Variants in GBF1 observed in about 807,000 individuals in gnomAD.
The protein encoded by GBF1 is Golgi-specific brefeldin A-resistance guanine nucleotide exchange factor 1.
Under a neutral mutation model 210.5 loss-of-function variants are expected in GBF1, and 114 were observed. The ratio of observed to expected loss-of-function variants is 0.54; its 90% CI spans 0.47 to 0.63. GBF1 has a LOEUF of 0.63. GBF1 is among the 30% of genes least tolerant of loss of function. GBF1 has a pLI of 0.00. For synonymous variants in GBF1, 850 were observed against 889.2 expected, an observed-to-expected ratio of 0.96 and a Z score of 0.78; for missense variants, 1,851 against 2,357.7, an observed-to-expected ratio of 0.79 and a Z score of 4.45.
chr10:102,352,269 T>C (rs1031461603), intron 6 of GBF1, among the ~76,000 whole-genome samples, 189 bp from the exon 7 acceptor site: 1 of 152,188 alleles, frequency 6.6e-6, no homozygotes, highest in Non-Finnish European at 1.5e-5. Flanking sequence ...CTCCCCTTTT[T>C]TCCCTGACTC....
chr10:102,315,229 CA>C (rs2078829125), intron 3 of GBF1, among the ~76,000 whole-genome samples: 1 of 152,220 alleles, frequency 6.6e-6, no homozygotes, highest in African/African-American at 2.4e-5. Context: ...TCCTCTACTT[CA>C]GGGGGTCCCC....
chr10:102,348,283 CAG>C (rs1007568316), intron 4 of GBF1, among the ~76,000 whole-genome samples: 1 of 152,194 alleles, frequency 6.6e-6, no homozygotes, highest in African/African-American at 2.4e-5. Context: ...CATTCAACCT[CAG>C]GGGACAAGAA....
chr10:102,292,956 T>C (rs1040379565), intron 3 of GBF1, among the ~76,000 whole-genome samples: 1 of 152,354 alleles, frequency 6.6e-6, no homozygotes, highest in Middle Eastern at 3.4e-3. Flanking sequence ...TAAGTTTCTA[T>C]TGGGCATTTA....
chr10:102,247,861 C>T (rs1416064075), intron 1 of GBF1, among the ~76,000 whole-genome samples: 1 of 152,176 alleles, frequency 6.6e-6, no homozygotes, highest in Non-Finnish European at 1.5e-5. Flanking sequence ...ATAGACATAT[C>T]TCCTCAGTAG....
rs577017320 is a variant in GBF1 at position 102,362,460 on chromosome 10, CT to C, written c.1687-14del. 2,882 of 1,568,674 alleles carry C rather than the reference CT, an allele frequency of 1.8e-3. 8 individuals are homozygous for C. Among genetic ancestry groups the C allele is most frequent in the Non-Finnish European group, 2.3e-3 (2,576 of 1,141,760 alleles). The stretch of plus-strand genomic sequence containing the variant: ...TCTCCTAACTACAAGTCCAATTGAT[CT>C]GTTTACTTTCCAGAATGCCTTCCCT... On this transcript the variant is annotated splice_polypyrimidine_tract_variant and intron_variant, in intron 14 of 39. Transcript: ENST00000369983.
Position 102,368,747 on chromosome 10 carries a change from C to A in GBF1, c.2888C>A (p.Ala963Asp). 1 of 1,611,534 alleles carries A rather than the reference C, an allele frequency of 6.2e-7. No individual in the cohort carries two copies. Among genetic ancestry groups the A allele is most frequent in the Non-Finnish European group, 8.5e-7 (1 of 1,177,708 alleles). The change falls in exon 23 of 40, where the codon GCC becomes GAC. Residue 963 changes from alanine to aspartate, a missense_variant. Coordinates refer to ENST00000369983, the MANE Select transcript of GBF1 (RefSeq NM_001377137.1). ...QKAISGFRKC[A>D]MISAHYGLSD... is the part of the protein sequence containing the mutation. ...GGGGGGTAACATTACAGGAAGTGCG[C>A]CATGATCTCCGCCCACTATGGCCTC...
chr10:102,247,116 A>T (rs2070938750), intron 1 of GBF1, among the ~76,000 whole-genome samples: 1 of 152,354 alleles, frequency 6.6e-6, no homozygotes, highest in South Asian at 2.1e-4. Flanking sequence ...GCACTTTTGC[A>T]TGATGAGGTA....
At chr10:102,280,350 G>A (rs1302726002) in intron 3 of GBF1, among the ~76,000 whole-genome samples, 1 of 152,110 alleles carries the variant, frequency 6.6e-6, no homozygotes, top group South Asian at 2.1e-4. Context: ...TCAGTAGAAT[G>A]TTCTATGAGA....
At chr10:102,243,394 C>T (rs751155736), upstream of GBF1, among the ~76,000 whole-genome samples, 5 of 152,196 alleles carry the variant, frequency 3.3e-5, no homozygotes, top group Non-Finnish European at 7.3e-5. Context: ...ATAAATGTCA[C>T]ACTGAAATCT....
At chr10:102,251,677 C>T (rs550685347) in intron 1 of GBF1, among the ~76,000 whole-genome samples, 83 of 152,226 alleles carry the variant, frequency 5.5e-4, no homozygotes, top group African/African-American at 1.6e-3. Flanking sequence ...CCTTAGCCTC[C>T]CAAGTAGCTG....
At chr10:102,339,326 G>A (rs553289815) in intron 3 of GBF1, among the ~76,000 whole-genome samples, 75 of 151,958 alleles carry the variant, frequency 4.9e-4, no homozygotes, top group African/African-American at 1.6e-3. Context: ...TCATGCCACT[G>A]CACTCCAGCC....
intron 33 of GBF1, among the ~76,000 whole-genome samples, chr10:102,378,270 A>G (rs2060631443): frequency 6.6e-6 from 1 of 151,992 alleles, no homozygotes; most frequent in Admixed American, 6.6e-5. Context: ...AATGTATTAA[A>G]TCTGGCCAGA....
chr10:102,265,254 T>C (rs1343304430), intron 3 of GBF1, among the ~76,000 whole-genome samples: 2 of 152,220 alleles, frequency 1.3e-5, no homozygotes, highest in Non-Finnish European at 2.9e-5. Context: ...TTGTGAGTTG[T>C]GGTGTTTGGT....
In GBF1 at chr10:102,360,375, A is replaced by C. The variant is rs748540233; in HGVS notation, c.1372A>C (p.Met458Leu). The C allele has an allele frequency of 1.2e-6, 2 of 1,609,428 alleles. No homozygotes were observed. Among genetic ancestry groups the C allele is most frequent in the Non-Finnish European group, 1.7e-6 (2 of 1,175,714 alleles). The part of the protein sequence containing the change: ...QTLLGLIKDE[M>L]CRHLFQLLSI... ...CCTCTTGGGCCTCATCAAGGATGAG[A>C]TGTGCCGTCACTTATTCCAGGTAAG... The change falls in exon 12 of 40, where the codon ATG becomes CTG. Residue 458 changes from methionine (M) to leucine (L), a missense_variant. Coordinates refer to ENST00000369983, the MANE Select transcript of GBF1 (RefSeq NM_001377137.1).
chr10:102,352,017 G>T lies in GBF1; in HGVS notation c.523+66G>T. The T allele has an allele frequency of 5.6e-6, 5 of 887,782 alleles. No individual in the cohort carries two copies. The South Asian group carries it at 6.6e-5, about 12-fold the overall frequency. The allele number at this position is 887,782 out of a possible 1,614,324, so 55.0% of individuals were successfully genotyped here. A position where few individuals can be genotyped will look rare whatever the true frequency, so the allele number is the denominator to read the frequency against. ...CAGTGTCTGAGTATGAATACAGGAG[G>T]CTGTCTTCCCAGAGAGATGGAAAAT... On this transcript the variant is annotated intron_variant, in intron 6 of 39. Transcript: ENST00000369983.
chr10:102,352,217 G>A (rs997183751), intron 6 of GBF1, among the ~76,000 whole-genome samples: 1 of 152,150 alleles, frequency 6.6e-6, no homozygotes, highest in African/African-American at 2.4e-5. Context: ...TGGGGTTTCT[G>A]GGATTGACAC....
chr10:102,234,841 C>T, the GBF1 span, among the ~76,000 whole-genome samples: 96 of 152,272 alleles, frequency 6.3e-4, no homozygotes, highest in Admixed American at 2.1e-3. Context: ...ACCCTGTCCC[C>T]GGCATTCCAT....
chr10:102,379,326 A>G lies in GBF1; in HGVS notation c.4537A>G (p.Ile1513Val), dbSNP rs772250967. 1.2e-6 allele frequency: 2 copies of G among 1,613,976 alleles called. No individual in the cohort carries two copies. Among genetic ancestry groups the G allele is most frequent in the Non-Finnish European group, 1.7e-6 (2 of 1,179,980 alleles). ...CACCCTGCACACGCGGGCAGCCTCT[A>G]TCTACAGCTCATGGGCGGAGGAGCA... ...MHTLHTRAASIYSSWAEEQRH... is the reference protein window; with the variant it reads ...MHTLHTRAASVYSSWAEEQRH... Residue 1513 changes from isoleucine to valine, a missense_variant, in exon 34 of 40, where the codon ATC becomes GTC. Physicochemically the swap from Ile to Val is conservative, Grantham distance 29 (BLOSUM62 3). Transcript: ENST00000369983.
intron 3 of GBF1, among the ~76,000 whole-genome samples, chr10:102,298,495 C>G (rs2077087220): frequency 1.3e-5 from 2 of 152,250 alleles, no homozygotes; most frequent in Admixed American, 6.5e-5. Flanking sequence ...TATCTTTTAG[C>G]TAGAATATGT....
Sources: allele counts gnomAD v4.1 joint callset (sites outside exome capture counted in the v4.1 genomes callset), GRCh38; gene constraint gnomAD v4.1.1; transcripts MANE v1.5; gene names NCBI Gene and HGNC (gene_info 2026-07-23, HGNC 2026-07-21).